The following NF1 variants were observed in gnomAD, a reference collection of about 807,000 sequenced individuals.
NF1 encodes the protein neurofibromin 1.
Under a neutral mutation model 325.7 loss-of-function variants are expected in NF1, and 122 were observed. That is an observed-to-expected ratio of 0.37 (90% CI 0.32 to 0.44). The LOEUF (loss-of-function observed/expected upper bound fraction) is 0.44. NF1 is among the 20% of genes least tolerant of loss of function. NF1 has a pLI of 1.00. For synonymous variants in NF1, 1,091 were observed against 1,186.0 expected (o/e 0.92, Z 1.65); for missense variants, 2,140 against 3,415.4 (o/e 0.63, Z 9.31).
intron 1 of NF1, among the ~76,000 whole-genome samples, chr17:31,111,691 T>G (rs1477263990): frequency 1.3e-5 from 2 of 152,144 alleles, no homozygotes; most frequent in African/African-American, 4.8e-5. Flanking sequence ...ATAAAGACAT[T>G]TTTAGACAAT....
At chr17:31,285,373 G>T (rs1462544220) in intron 36 of NF1, among the ~76,000 whole-genome samples, 1 of 151,912 alleles carries the variant, frequency 6.6e-6, no homozygotes, top group Non-Finnish European at 1.5e-5. Context: ...GTCACCTTTG[G>T]AGGTGATGCA....
intron 8 of NF1, among the ~76,000 whole-genome samples, chr17:31,198,577 A>T (rs954741493): frequency 3.4e-5 from 5 of 148,748 alleles, no homozygotes; most frequent in African/African-American, 1.3e-4. Context: ...AATTCTTTTT[A>T]TTTTTGCAAA....
chr17:31,229,698 A>G, intron 21 of NF1, 137 bp from the exon 22 acceptor site: 1 of 1,143,874 alleles, frequency 8.7e-7, no homozygotes, highest in Non-Finnish European at 1.3e-6. Context: ...GTGTCTGCGT[A>G]TATCTGTATG....
At chr17:31,368,075 T>G (rs1433567940) in intron 57 of NF1, among the ~76,000 whole-genome samples, 1 of 152,208 alleles carries the variant, frequency 6.6e-6, no homozygotes, top group Admixed American at 6.5e-5. Flanking sequence ...GTAATTAATA[T>G]ACAAAAAGAT....
intron 49 of NF1, 50 bp from the exon 50 acceptor site, chr17:31,350,133 C>A (rs1279365377): frequency 6.2e-7 from 1 of 1,607,370 alleles, no homozygotes. Context: ...TGTTTTAAGT[C>A]ACACTTGTGA....
intron 12 of NF1, among the ~76,000 whole-genome samples, chr17:31,206,577 T>A (rs1025393082): frequency 5.3e-5 from 8 of 152,164 alleles, no homozygotes; most frequent in Admixed American, 4.6e-4. Flanking sequence ...GAACTTAACT[T>A]TTCTTAGATA....
intron 11 of NF1, among the ~76,000 whole-genome samples, chr17:31,203,736 A>G (rs1314014650): frequency 6.6e-6 from 1 of 152,140 alleles, no homozygotes; most frequent in Non-Finnish European, 1.5e-5. Context: ...AATGTACCTC[A>G]TAAGTTCTCT....
intron 36 of NF1, chr17:31,304,055 T>C (rs1172421221): frequency 4.3e-6 from 2 of 468,852 alleles, no homozygotes; most frequent in Non-Finnish European, 7.5e-6. Context: ...ACTTTAAAGA[T>C]AGGTACTATA....
At position 31,095,077 on chromosome 17, in the gene NF1, T is replaced by A; in HGVS notation, c.-233T>A. ...CAAGAGGCCCCCTCCCCTCCCCGGGTCCCCTTCCCCTATCCCCCTCCCCCC... is the reference window on the plus strand; with the variant it reads ...CAAGAGGCCCCCTCCCCTCCCCGGGACCCCTTCCCCTATCCCCCTCCCCCC... On this transcript the variant is annotated 5_prime_UTR_variant, in exon 1 of 58. Transcript: ENST00000358273. The A allele has an allele frequency of 1.1e-5, 1 of 92,532 alleles. No individual in the cohort carries two copies. The highest frequency in any genetic ancestry group is 2.0e-5 in the Non-Finnish European group (1 of 51,224). The allele number at this position is 92,532 out of a possible 1,614,324, so 5.7% of individuals were successfully genotyped here.
At chr17:31,195,391 A>G (rs1313669788) in intron 8 of NF1, among the ~76,000 whole-genome samples, 1 of 152,144 alleles carries the variant, frequency 6.6e-6, no homozygotes, top group Non-Finnish European at 1.5e-5. Flanking sequence ...ATGCGGTAAA[A>G]TGCACGTAAC....
rs919264525 is a variant in NF1, at chr17:31,290,178, A to T, written c.4835+24839A>T. 2.0e-5 allele frequency among the ~76,000 whole-genome samples: 3 copies of T among 151,684 alleles called. No homozygotes were observed. The South Asian group carries it at 6.2e-4, about 31-fold the overall frequency. On this transcript the variant is annotated intron_variant, in intron 36 of 57. Coordinates refer to ENST00000358273, the MANE Select transcript of NF1 (RefSeq NM_001042492.3). ...GGCTGGTTGTTTCAGCATAATGGGG[A>T]TTTTGTATAGACCAATCTATTGATA...
chr17:31,289,730 C>T lies in NF1; in HGVS notation c.4835+24391C>T, dbSNP rs183585892. ...TAATGGTGGATATTTATTGTTGTTT[C>T]AGTTTTTCTTGTTAGAAAGAATGCT... On this transcript the variant is annotated intron_variant, in intron 36 of 57. Coordinates refer to ENST00000358273, the MANE Select transcript of NF1 (RefSeq NM_001042492.3). 2.6e-5 allele frequency among the ~76,000 whole-genome samples: 4 copies of T among 152,152 alleles called. No homozygotes were observed. The East Asian group carries it at 7.7e-4, about 29-fold the overall frequency.
chr17:31,235,589 C>T (rs774361499), intron 27 of NF1, 22 bp from the exon 28 acceptor site: 6 of 1,613,494 alleles, frequency 3.7e-6, no homozygotes, highest in African/African-American at 1.3e-5. Context: ...TTTGCACTAA[C>T]CTGATTTTGT....
At chr17:31,340,418 A>G (rs975379748) in intron 46 of NF1, 87 bp from the exon 47 acceptor site, 116 of 1,546,286 alleles carry the variant, frequency 7.5e-5, no homozygotes, top group Non-Finnish European at 9.7e-5. Context: ...TAGGAAGATA[A>G]GCTGCTTTAT....
chr17:31,163,124 A>C, intron 3 of NF1, 62 bp from the exon 4 acceptor site: 2 of 1,545,028 alleles, frequency 1.3e-6, no homozygotes, highest in Non-Finnish European at 1.8e-6. Context: ...GAAAATTTTC[A>C]TAATAGAAAA....
At chr17:31,276,406 C>G (rs2068011252) in intron 36 of NF1, among the ~76,000 whole-genome samples, 2 of 152,080 alleles carry the variant, frequency 1.3e-5, no homozygotes, top group Non-Finnish European at 2.9e-5. Context: ...CTCTACTTTC[C>G]TGGCTGCTGT....
At position 31,243,180 on chromosome 17, in the gene NF1, C is replaced by CTGTGTGTGTGTGTG. The variant is rs1162406311; in HGVS notation, c.3975-5801_3975-5800insGTGTGTGTGTGTGT. On this transcript the variant is annotated intron_variant, in intron 29 of 57. Coordinates refer to ENST00000358273, the MANE Select transcript of NF1 (RefSeq NM_001042492.3). ...AAACAAACAGAGTCAGTCTCTCTCT[C>CTGTGTGTGTGTGTG]TGTCTGTGTGTGTGTGTGTGTGTGT... Among the ~76,000 whole-genome samples the CTGTGTGTGTGTGTG allele has an allele frequency of 1.7e-3, 126 of 73,292 alleles. 1 individual carries two copies. Among genetic ancestry groups the CTGTGTGTGTGTGTG allele is most frequent in the African/African-American group, 0.012 (124 of 10,020 alleles). The allele number at this position is 73,292 out of a possible 152,430, so 48.1% of individuals were successfully genotyped here. A position where few individuals can be genotyped will look rare whatever the true frequency, so the allele number is the denominator to read the frequency against.
At chr17:31,370,967 A>G (rs1328119404) in intron 57 of NF1, among the ~76,000 whole-genome samples, 4 of 152,200 alleles carry the variant, frequency 2.6e-5, no homozygotes, top group Non-Finnish European at 5.9e-5. Context: ...AGGAAATGGA[A>G]GGTCAAATAC....
chr17:31,103,043 G>T (rs1047774648), intron 1 of NF1, among the ~76,000 whole-genome samples: 2 of 151,584 alleles, frequency 1.3e-5, no homozygotes, highest in Admixed American at 1.3e-4. Context: ...ACAAGGGTTC[G>T]CCATGTTAGC....
Sources: allele counts gnomAD v4.1 joint callset (sites outside exome capture counted in the v4.1 genomes callset), GRCh38; gene constraint gnomAD v4.1.1; transcripts MANE v1.5; gene names NCBI Gene and HGNC (gene_info 2026-07-23, HGNC 2026-07-21).